The following MEAF6 variants were observed in gnomAD, a reference collection of about 807,000 sequenced individuals.
MEAF6 encodes MYST/Esa1 associated factor 6.
MEAF6 carries 15 observed loss-of-function variants against 28.9 expected under a neutral mutation model. The observed-to-expected ratio is 0.52, with a 90% CI of 0.35 to 0.80. The LOEUF is 0.80. MEAF6 is among the 30% of genes least tolerant of loss of function. The pLI is 0.01. For synonymous variants in MEAF6, 97 were observed against 88.7 expected, an observed-to-expected ratio of 1.09 and a Z score of -0.53; for missense variants, 178 against 237.5, an observed-to-expected ratio of 0.75 and a Z score of 1.65.
At chr1:37,494,923 AG>A (rs1286726838) in intron 6 of MEAF6, among the ~76,000 whole-genome samples, 2 of 152,152 alleles carry the variant, frequency 1.3e-5, no homozygotes, top group Non-Finnish European at 2.9e-5. Flanking sequence ...GAGTCCATAA[AG>A]GGATTGAAAC....
At chr1:37,510,067 G>A (rs1038013907) in intron 2 of MEAF6, among the ~76,000 whole-genome samples, 7 of 150,388 alleles carry the variant, frequency 4.7e-5, no homozygotes, top group African/African-American at 1.2e-4. Flanking sequence ...ATGAGCCACC[G>A]CGCCCAGACA....
Position 37,493,673 on chromosome 1 carries a change from TA to T in MEAF6, c.*425del. 1 of 977,688 alleles carries T rather than the reference TA, an allele frequency of 1.0e-6. No individual in the cohort carries two copies. The highest frequency in any genetic ancestry group is 1.5e-6 in the Non-Finnish European group (1 of 646,320). The allele number at this position is 977,688 out of a possible 1,614,324, so 60.6% of individuals were successfully genotyped here. A position where few individuals can be genotyped will look rare whatever the true frequency, so the allele number is the denominator to read the frequency against. On this transcript the variant is annotated 3_prime_UTR_variant, in exon 7 of 7. Transcript: ENST00000296214. ...AAAAACAAGAAAACATAAAACAATATAAGAAAATGCCAGATATTTACAGCCT... is the reference window on the plus strand; with the variant it reads ...AAAAACAAGAAAACATAAAACAATATAGAAAATGCCAGATATTTACAGCCT...
intron 6 of MEAF6, among the ~76,000 whole-genome samples, chr1:37,495,117 G>A (rs1000688120): frequency 4.6e-5 from 7 of 150,796 alleles, no homozygotes; most frequent in Non-Finnish European, 1.0e-4. Flanking sequence ...GGTGGATCAC[G>A]AGGTCAGGAG....
chr1:37,504,965 T>C (rs1378865289), intron 4 of MEAF6, among the ~76,000 whole-genome samples: 1 of 151,542 alleles, frequency 6.6e-6, no homozygotes, highest in Admixed American at 6.6e-5. Flanking sequence ...CTCACTGCCA[T>C]CTCCACCTCC....
chr1:37,508,836 C>T (rs1642571724), intron 4 of MEAF6, among the ~76,000 whole-genome samples: 1 of 152,196 alleles, frequency 6.6e-6, no homozygotes, highest in Admixed American at 6.5e-5. Context: ...GTGGCTCACA[C>T]CTCTACTCCC....
At chr1:37,494,259 T>C in intron 6 of MEAF6, 152 bp from the exon 7 acceptor site, 1 of 699,044 alleles carries the variant, frequency 1.4e-6, no homozygotes, top group Non-Finnish European at 2.5e-6. Flanking sequence ...CTCACACCTG[T>C]AATCCCAGCA....
intron 2 of MEAF6, among the ~76,000 whole-genome samples, chr1:37,510,337 T>G (rs1642626997): frequency 1.3e-5 from 2 of 148,658 alleles, no homozygotes; most frequent in African/African-American, 4.9e-5. Flanking sequence ...CACCTCAGCC[T>G]ACCAAAGTGC....
chr1:37,491,734 T>G lies in MEAF6; in HGVS notation c.*2365A>C, dbSNP rs544196095. 2.3e-5 allele frequency among the ~76,000 whole-genome samples: 3 copies of G among 132,068 alleles called. No individual in the cohort carries two copies. Among genetic ancestry groups the G allele is most frequent in the African/African-American group, 8.0e-5 (3 of 37,720 alleles). The allele number at this position is 132,068 out of a possible 152,430, so 86.6% of individuals were successfully genotyped here. ...AATAAATAAATAAATAAATAAAATA[T>G]ATAAATACTTAAATAATCTTTTTAA... is the stretch of plus-strand genomic sequence containing the variant. On this transcript the variant is annotated 3_prime_UTR_variant, in exon 7 of 7. Coordinates refer to ENST00000296214, the MANE Select transcript of MEAF6 (RefSeq NM_001270875.3).
intron 4 of MEAF6, among the ~76,000 whole-genome samples, chr1:37,503,658 C>CAAAAA (rs773565571): frequency 2.5e-3 from 121 of 47,912 alleles, no homozygotes; most frequent in Non-Finnish European, 3.7e-3. Flanking sequence ...AAGACTGTCT[C>CAAAAA]AAAAAAAAAA....
intron 2 of MEAF6, among the ~76,000 whole-genome samples, chr1:37,513,032 A>G (rs1317814488): frequency 6.6e-6 from 1 of 152,208 alleles, no homozygotes; most frequent in East Asian, 1.9e-4. Flanking sequence ...TCTACTAAAA[A>G]TAAAAAAATT....
intron 5 of MEAF6, chr1:37,501,411 G>GA (rs1409889670): frequency 1.2e-5 from 2 of 160,172 alleles, no homozygotes; most frequent in Non-Finnish European, 2.7e-5. Context: ...GCAAAGATCA[G>GA]AATTACCAGC....
chr1:37,510,077 A>G (rs1032416875), intron 2 of MEAF6, among the ~76,000 whole-genome samples: 2 of 133,348 alleles, frequency 1.5e-5, no homozygotes, highest in Non-Finnish European at 3.2e-5. Context: ...GCGCCCAGAC[A>G]TTTTTTTTTT....
At chr1:37,498,700 G>A (rs1642199416) in intron 5 of MEAF6, among the ~76,000 whole-genome samples, 1 of 151,824 alleles carries the variant, frequency 6.6e-6, no homozygotes, top group African/African-American at 2.4e-5. Context: ...CAAATTGCTG[G>A]AATTACAGGT....
At position 37,493,617 on chromosome 1, in the gene MEAF6, C is replaced by A. The variant is rs556204268; in HGVS notation, c.*482G>T. The A allele has an allele frequency of 6.6e-5, 49 of 737,692 alleles. No individual in the cohort carries two copies. Among genetic ancestry groups the A allele is most frequent in the African/African-American group, 6.1e-4 (34 of 55,736 alleles). The allele number at this position is 737,692 out of a possible 1,614,324, so 45.7% of individuals were successfully genotyped here. A position where few individuals can be genotyped will look rare whatever the true frequency, so the allele number is the denominator to read the frequency against. The stretch of plus-strand genomic sequence containing the variant: ...CTGTACAAAGGCATTACAAAAAAAC[C>A]CCAAAGAAAATAAGATAAAAACAAC... On this transcript the variant is annotated 3_prime_UTR_variant, in exon 7 of 7. Transcript: ENST00000296214.
intron 1 of MEAF6, chr1:37,514,452 T>C: frequency 3.0e-6 from 1 of 331,312 alleles, no homozygotes; most frequent in Non-Finnish European, 5.4e-6. Flanking sequence ...CGCTCCCGGC[T>C]CTCTCCCGGC....
chr1:37,494,196 T>C (rs1642035884), intron 6 of MEAF6, 89 bp from the exon 7 acceptor site: 5 of 1,098,776 alleles, frequency 4.6e-6, no homozygotes, highest in African/African-American at 3.1e-5. Flanking sequence ...TAAACAACTC[T>C]ACTAGGGGAC....
In MEAF6 at chr1:37,492,934, C is replaced by CA. The variant is rs1438804923; in HGVS notation, c.*1164dup. On this transcript the variant is annotated 3_prime_UTR_variant, in exon 7 of 7. Coordinates refer to ENST00000296214, the MANE Select transcript of MEAF6 (RefSeq NM_001270875.3). The stretch of plus-strand genomic sequence containing the variant: ...TACCCCAGTCTCTAGGGATGGGATC[C>CA]AGGCATGAGTATTTTAAAGCTTCTC... 6.6e-6 allele frequency: 1 copy of CA among 152,168 alleles called. No individual in the cohort carries two copies. The highest frequency in any genetic ancestry group is 1.5e-5 in the Non-Finnish European group (1 of 68,042). 9.4% of individuals were successfully genotyped at this position (152,168 alleles called of 1,614,324 possible).
Position 37,514,725 on chromosome 1 carries a change from C to G in MEAF6, c.22G>C (p.Ala8Pro), listed in dbSNP as rs534470375. MAMHNKA[A>P]PPQIPDTRRE... ...CGGGTGTCCGGGATCTGCGGCGGCG[C>G]CGCCTTGTTGTGCATCGCCATGTTG... The change falls in exon 1 of 7, where the codon GCG becomes CCG. Residue 8 changes from alanine to proline, a missense_variant. Ala to Pro is a conservative substitution (Grantham distance 27). Transcript: ENST00000296214. 17 of 1,533,214 alleles carry G rather than the reference C, an allele frequency of 1.1e-5. No homozygotes were observed. The highest frequency in any genetic ancestry group is 3.4e-4 in the Middle Eastern group (2 of 5,844). The allele number at this position is 1,533,214 out of a possible 1,614,324, so 95.0% of individuals were successfully genotyped here. A position where few individuals can be genotyped will look rare whatever the true frequency, so the allele number is the denominator to read the frequency against.
At chr1:37,505,173 C>T (rs938564382) in intron 4 of MEAF6, among the ~76,000 whole-genome samples, 2 of 152,066 alleles carry the variant, frequency 1.3e-5, no homozygotes, top group Non-Finnish European at 1.5e-5. Flanking sequence ...CATGAGCCAC[C>T]GTATCTGGCC....
Sources: gnomAD v4.1 joint callset for allele counts (sites outside exome capture counted in the v4.1 genomes callset) on GRCh38, gnomAD v4.1.1 for gene constraint, MANE v1.5 for transcripts, NCBI Gene and HGNC (gene_info 2026-07-23, HGNC 2026-07-21) for gene names.